ASCC3: variants seen among roughly 807,000 people sequenced by gnomAD.
ASCC3 encodes the protein activating signal cointegrator 1 complex subunit 3, also known as ASC-1 complex subunit P200.
Under a neutral mutation model 256.3 loss-of-function variants are expected in ASCC3, and 158 were observed. That is an observed-to-expected ratio of 0.62 (90% CI 0.54 to 0.70). The LOEUF is 0.70. Ranked by LOEUF, ASCC3 falls within the 30% of genes least tolerant of loss-of-function variation. The probability of loss-of-function intolerance (pLI) is 0.00; values close to 1 mark genes in which losing one functional copy is unlikely to be tolerated. For missense variants in ASCC3, 2,259 were observed against 2,626.0 expected, an observed-to-expected ratio of 0.86 and a Z score of 3.05; for synonymous variants, 948 against 883.4, an observed-to-expected ratio of 1.07 and a Z score of -1.30.
chr6:100,596,342 A>G (rs1385580943), intron 34 of ASCC3, among the ~76,000 whole-genome samples: 1 of 152,206 alleles, frequency 6.6e-6, no homozygotes, highest in Non-Finnish European at 1.5e-5. Flanking sequence ...ATACAAATTC[A>G]AGGATATTAT....
chr6:100,746,295 C>G (rs1780672833), intron 10 of ASCC3, among the ~76,000 whole-genome samples: 2 of 151,768 alleles, frequency 1.3e-5, no homozygotes, highest in African/African-American at 4.8e-5. Context: ...ATATATTAAT[C>G]TAATCTATCT....
intron 11 of ASCC3, among the ~76,000 whole-genome samples, chr6:100,723,888 A>ATTTATAAT (rs1779480089): frequency 8.9e-6 from 1 of 112,916 alleles, no homozygotes; most frequent in Admixed American, 9.4e-5. Flanking sequence ...ATATATATAT[A>ATTTATAAT]TATATATATT....
At chr6:100,662,256 A>T (rs1411847532) in intron 15 of ASCC3, 89 bp downstream of exon 15, 19 of 1,366,654 alleles carry the variant, frequency 1.4e-5, no homozygotes, top group Non-Finnish European at 1.9e-5. Flanking sequence ...GGAAACAGCC[A>T]AATCACAATA....
chr6:100,802,120 C>G (rs1402246525), intron 5 of ASCC3, among the ~76,000 whole-genome samples: 1 of 151,518 alleles, frequency 6.6e-6, no homozygotes, highest in Non-Finnish European at 1.5e-5. Context: ...TACTGGAATC[C>G]TGTAAGGCTG....
chr6:100,852,859 A>G (rs1289902190), intron 3 of ASCC3, among the ~76,000 whole-genome samples: 1 of 152,154 alleles, frequency 6.6e-6, no homozygotes, highest in Non-Finnish European at 1.5e-5. Context: ...ACTGTAATAT[A>G]TTTAAAAGGA....
At chr6:100,625,426 T>G (rs979204133) in intron 29 of ASCC3, 92 bp from the exon 30 acceptor site, 8 of 1,435,130 alleles carry the variant, frequency 5.6e-6, no homozygotes, top group Admixed American at 3.4e-5. Context: ...TGAAAACTAA[T>G]GATGTAAACA....
In ASCC3 at chr6:100,650,658, G is replaced by C. The variant is rs1775618284; in HGVS notation, c.3132C>G (p.Leu1044=). ...TATTCTCTACACCTCCAGGAGTGGA[G>C]AGTTCACAAAAATTGCTTAATAAGG... ...LDTLLSNFCE[L]STPGGVENSY... The change falls in exon 20 of 42, where the codon CTC becomes CTG. Residue 1044 remains leucine, a synonymous_variant. Coordinates refer to ENST00000369162, the MANE Select transcript of ASCC3 (RefSeq NM_006828.4). 6.2e-7 allele frequency: 1 copy of C among 1,612,540 alleles called. No individual in the cohort carries two copies. Among genetic ancestry groups the C allele is most frequent in the Non-Finnish European group, 8.5e-7 (1 of 1,178,964 alleles).
intron 10 of ASCC3, among the ~76,000 whole-genome samples, chr6:100,728,122 C>G (rs1779724239): frequency 6.6e-6 from 1 of 151,900 alleles, no homozygotes; most frequent in Non-Finnish European, 1.5e-5. Flanking sequence ...ATAAATGTAA[C>G]TATAGTATAT....
intron 37 of ASCC3, among the ~76,000 whole-genome samples, chr6:100,532,401 TA>T (rs1452464774): frequency 7.2e-4 from 35 of 48,326 alleles, no homozygotes; most frequent in Non-Finnish European, 1.1e-3. Context: ...TATATATATA[TA>T]TATATTTTTT....
intron 36 of ASCC3, among the ~76,000 whole-genome samples, chr6:100,559,125 T>C (rs940480711): frequency 2.0e-5 from 3 of 152,278 alleles, no homozygotes; most frequent in East Asian, 1.9e-4. Context: ...ATGTATGTCA[T>C]GTTAACCAAA....
chr6:100,746,327 T>C (rs910294873), intron 10 of ASCC3, among the ~76,000 whole-genome samples: 1 of 152,124 alleles, frequency 6.6e-6, no homozygotes, highest in Non-Finnish European at 1.5e-5. Flanking sequence ...AAATAGTATA[T>C]GTACTTGTAA....
At chr6:100,561,394 T>G (rs1582451303) in intron 36 of ASCC3, among the ~76,000 whole-genome samples, 1 of 152,222 alleles carries the variant, frequency 6.6e-6, no homozygotes, top group East Asian at 1.9e-4. Context: ...CATATATACG[T>G]AGAAACTTCA....
chr6:100,664,023 G>A (rs1369386939), intron 14 of ASCC3, among the ~76,000 whole-genome samples: 2 of 152,246 alleles, frequency 1.3e-5, no homozygotes, highest in East Asian at 3.9e-4. Context: ...TGTCACCTGT[G>A]TAAGTGCTGT....
chr6:100,731,431 A>T (rs1779898359), intron 10 of ASCC3, among the ~76,000 whole-genome samples: 1 of 152,236 alleles, frequency 6.6e-6, no homozygotes, highest in Admixed American at 6.5e-5. Context: ...ATAATTGAGA[A>T]AAATACAAAA....
chr6:100,586,277 C>T (rs191541968), intron 36 of ASCC3, among the ~76,000 whole-genome samples: 2 of 152,336 alleles, frequency 1.3e-5, no homozygotes, highest in African/African-American at 4.8e-5. Flanking sequence ...CTAAGCAAGC[C>T]TGGGCAATGG....
chr6:100,651,631 A>G lies in ASCC3; in HGVS notation c.3004T>C (p.Phe1002Leu). Reference protein sequence around the residue: ...YNTIETFNELFDAHKTEGDIF... With the variant: ...YNTIETFNELLDAHKTEGDIF... ...TCACCTTCTGTTTTGTGAGCATCAAAGAGTTCATTAAAGGTCTACCAAAGT... is the reference window on the plus strand; with the variant it reads ...TCACCTTCTGTTTTGTGAGCATCAAGGAGTTCATTAAAGGTCTACCAAAGT... The change falls in exon 19 of 42, where the codon TTT (phenylalanine) becomes CTT (leucine). Residue 1002 changes from phenylalanine to leucine, a missense_variant. Transcript: ENST00000369162. 1.3e-6 allele frequency: 2 copies of G among 1,580,064 alleles called. No homozygotes were observed. The highest frequency in any genetic ancestry group is 1.7e-6 in the Non-Finnish European group (2 of 1,159,086).
intron 13 of ASCC3, among the ~76,000 whole-genome samples, chr6:100,681,159 T>C (rs892875888): frequency 1.3e-5 from 2 of 152,124 alleles, no homozygotes; most frequent in Admixed American, 6.5e-5. Context: ...ATAACAATCA[T>C]TCAAGAAACT....
At chr6:100,864,041 A>C (rs779635541) in intron 3 of ASCC3, 23 bp downstream of exon 3, 2 of 1,508,668 alleles carry the variant, frequency 1.3e-6, no homozygotes, top group South Asian at 2.4e-5. Context: ...TTAAAAAAAA[A>C]AAAGAAAAAA....
intron 18 of ASCC3, among the ~76,000 whole-genome samples, chr6:100,652,262 A>G (rs932829134): frequency 1.3e-5 from 2 of 152,156 alleles, no homozygotes; most frequent in Non-Finnish European, 2.9e-5. Context: ...TGACAAAATG[A>G]GTGGATGTGA....
Sources: gnomAD v4.1 joint callset for allele counts (sites outside exome capture counted in the v4.1 genomes callset) on GRCh38, gnomAD v4.1.1 for gene constraint, MANE v1.5 for transcripts, NCBI Gene and HGNC (gene_info 2026-07-23, HGNC 2026-07-21) for gene names.